The following WDR37 variants were observed in gnomAD, a reference collection of about 807,000 sequenced individuals.
WDR37 encodes WD repeat-containing protein 37.
WDR37 carries 19 observed loss-of-function variants against 62.9 expected under a neutral mutation model. That is an observed-to-expected ratio of 0.30 (90% CI 0.21 to 0.44). The LOEUF is 0.44. Among genes scored for constraint, WDR37 ranks in the 20% least tolerant of loss-of-function variants. The pLI, the probability that WDR37 is intolerant of heterozygous loss-of-function variation, is 1.00. For missense variants in WDR37, 474 were observed against 657.6 expected, an observed-to-expected ratio of 0.72 and a Z score of 3.05; for synonymous variants, 250 against 260.9, an observed-to-expected ratio of 0.96 and a Z score of 0.40.
At chr10:1,100,739 G>T (rs1266882383) in intron 9 of WDR37, among the ~76,000 whole-genome samples, 1 of 152,146 alleles carries the variant, frequency 6.6e-6, no homozygotes, top group Non-Finnish European at 1.5e-5. Context: ...CTTCTTTGAG[G>T]GGTTCACCCC....
rs74117689 is a variant in WDR37, at chr10:1,063,491, A to G, written c.-41+6523A>G. Reference sequence around the variant, plus strand: ...CCCTCACCCTGCTAATCAGAGGCTGAGCAGGTACTTCAGATTCCCACTCAT... The same window carrying G: ...CCCTCACCCTGCTAATCAGAGGCTGGGCAGGTACTTCAGATTCCCACTCAT... On this transcript the variant is annotated intron_variant, in intron 1 of 13. Coordinates refer to ENST00000263150, the MANE Select transcript of WDR37 (RefSeq NM_014023.4). 8.4e-3 allele frequency among the ~76,000 whole-genome samples: 1,283 copies of G among 152,262 alleles called. 13 individuals carry two copies. The highest frequency in any genetic ancestry group is 0.021 in the African/African-American group (864 of 41,544).
chr10:1,058,205 C>T (rs138550150), intron 1 of WDR37, among the ~76,000 whole-genome samples: 6 of 149,048 alleles, frequency 4.0e-5, no homozygotes, highest in Non-Finnish European at 7.5e-5. Context: ...GGCCACGTCT[C>T]AACAGCAGTG....
At chr10:1,073,184 G>A (rs1487288838) in intron 2 of WDR37, among the ~76,000 whole-genome samples, 2 of 152,084 alleles carry the variant, frequency 1.3e-5, no homozygotes, top group Non-Finnish European at 2.9e-5. Flanking sequence ...ATTAAAATAA[G>A]CTCTAGATAT....
intron 9 of WDR37, 159 bp downstream of exon 9, chr10:1,096,405 T>A: frequency 1.4e-6 from 1 of 734,240 alleles, no homozygotes; most frequent in Non-Finnish European, 2.3e-6. Context: ...ATTGGGCCTC[T>A]AAGGTAGTAG....
In WDR37 at chr10:1,084,609, A is replaced by T. The variant is rs1589092392; in HGVS notation, c.532+71A>T. On this transcript the variant is annotated intron_variant, in intron 6 of 13. Coordinates refer to ENST00000263150, the MANE Select transcript of WDR37 (RefSeq NM_014023.4). The stretch of plus-strand genomic sequence containing the variant: ...CTTAATCCCTGAGTGATGGACATTC[A>T]CTTTTCTGTGGCAGAGGAACCCTAG... 9 of 1,577,110 alleles carry T rather than the reference A, an allele frequency of 5.7e-6. No individual in the cohort carries two copies. In the South Asian group the frequency reaches 9.0e-5, roughly 16 times the overall value.
rs898602677 is a variant in WDR37, at chr10:1,069,924, G to A, written c.-40-2192G>A. ...CAGTTATTTCAAAATACAAAGTTGA[G>A]GCCAGGCACAATAGCTCACATCTGT... On this transcript the variant is annotated intron_variant, in intron 1 of 13. Coordinates refer to ENST00000263150, the MANE Select transcript of WDR37 (RefSeq NM_014023.4). Among the ~76,000 whole-genome samples, 12 of 152,118 alleles carry A rather than the reference G, an allele frequency of 7.9e-5. 1 individual carries two copies. The highest frequency in any genetic ancestry group is 2.7e-4 in the African/African-American group (11 of 41,412).
intron 3 of WDR37, among the ~76,000 whole-genome samples, chr10:1,078,313 A>G (rs1833937944): frequency 6.6e-6 from 1 of 152,280 alleles, no homozygotes; most frequent in Non-Finnish European, 1.5e-5. Context: ...TTAATATACC[A>G]TCATTTGAAA....
intron 7 of WDR37, among the ~76,000 whole-genome samples, chr10:1,092,397 C>T (rs556950503): frequency 1.3e-5 from 2 of 151,320 alleles, no homozygotes; most frequent in East Asian, 2.0e-4. Context: ...GACGGAATCT[C>T]GCTCTGTCGC....
chr10:1,086,098 A>G (rs1365219893), intron 6 of WDR37, among the ~76,000 whole-genome samples, 188 bp from the exon 7 acceptor site: 2 of 152,258 alleles, frequency 1.3e-5, no homozygotes, highest in Non-Finnish European at 2.9e-5. Flanking sequence ...CAGACAGGTC[A>G]CAGCTTCTCC....
chr10:1,100,690 A>G (rs1589107435), intron 9 of WDR37, among the ~76,000 whole-genome samples: 2 of 152,218 alleles, frequency 1.3e-5, no homozygotes, highest in African/African-American at 2.4e-5. Context: ...GAGTTAGGTT[A>G]CACTGAGTTA....
intron 9 of WDR37, among the ~76,000 whole-genome samples, chr10:1,098,743 A>C (rs1456117292): frequency 6.6e-6 from 1 of 152,226 alleles, no homozygotes; most frequent in East Asian, 1.9e-4. Flanking sequence ...TCATGGACTT[A>C]GAGTCTCCAG....
intron 1 of WDR37, among the ~76,000 whole-genome samples, chr10:1,069,560 C>T (rs1039654773): frequency 6.6e-6 from 1 of 151,570 alleles, no homozygotes; most frequent in Non-Finnish European, 1.5e-5. Context: ...AGGGTAACTG[C>T]TCTTTGATCA....
chr10:1,126,305 C>G (rs1250137772), intron 13 of WDR37, among the ~76,000 whole-genome samples: 1 of 150,612 alleles, frequency 6.6e-6, no homozygotes, highest in South Asian at 2.1e-4. Context: ...ACTCGGGAGG[C>G]TGAGGCAGGA....
At position 1,083,061 on chromosome 10, in the gene WDR37, G is replaced by A. The variant is rs192969137; in HGVS notation, c.397-1342G>A. On this transcript the variant is annotated intron_variant, in intron 5 of 13. Transcript: ENST00000263150. ...GACTTGGAAAGTGAAATTTACCACC[G>A]CTTATTATGGTGGGAGGTTGTGTGT... Among the ~76,000 whole-genome samples the A allele has an allele frequency of 2.6e-5, 4 of 152,248 alleles. No homozygotes were observed. In the East Asian group the frequency reaches 7.7e-4, roughly 29 times the overall value.
chr10:1,124,657 AGTGTGTGTGTGTGT>A (rs10522293), intron 12 of WDR37, among the ~76,000 whole-genome samples: 4,546 of 149,264 alleles, frequency 0.03, 218 homozygotes, highest in African/African-American at 0.099. Context: ...ACCATTGAGC[AGTGTGTGTGTGTGT>A]GTGTGTGTGT....
chr10:1,117,041 A>G (rs1168388507), intron 11 of WDR37, among the ~76,000 whole-genome samples: 9 of 152,040 alleles, frequency 5.9e-5, no homozygotes, highest in African/African-American at 2.2e-4. Flanking sequence ...TTGTTGATGC[A>G]TGTTTTTAAA....
chr10:1,091,161 AC>A (rs1473871117), intron 7 of WDR37, among the ~76,000 whole-genome samples: 6 of 151,938 alleles, frequency 3.9e-5, no homozygotes, highest in African/African-American at 1.5e-4. Context: ...TGCCTGCCCT[AC>A]CCCTCCTTCT....
chr10:1,065,918 G>T (rs1265897530), intron 1 of WDR37, among the ~76,000 whole-genome samples: 1 of 151,636 alleles, frequency 6.6e-6, no homozygotes, highest in Non-Finnish European at 1.5e-5. Context: ...TGACTTAATA[G>T]TTGACATAGA....
rs73580658 is a variant in WDR37 at position 1,113,578 on chromosome 10, A to G, written c.1103+8311A>G. ...TATCATTCTGGTCGCCATTCAGAAC[A>G]CTTGTGATTCATGGGAGAAGGTCAA... is the stretch of plus-strand genomic sequence containing the variant. On this transcript the variant is annotated intron_variant, in intron 11 of 13. Coordinates refer to ENST00000263150, the MANE Select transcript of WDR37 (RefSeq NM_014023.4). 6.8e-3 allele frequency among the ~76,000 whole-genome samples: 1,039 copies of G among 152,376 alleles called. 15 individuals are homozygous for G. Among genetic ancestry groups the G allele is most frequent in the African/African-American group, 0.024 (990 of 41,582 alleles).
Sources: allele counts gnomAD v4.1 joint callset (sites outside exome capture counted in the v4.1 genomes callset), GRCh38; gene constraint gnomAD v4.1.1; transcripts MANE v1.5; gene names NCBI Gene and HGNC (gene_info 2026-07-23, HGNC 2026-07-21).